Variants in NAV2 observed in about 807,000 individuals in gnomAD.
The protein encoded by NAV2 is helicase, APC down-regulated 1.
Under a neutral mutation model 223.2 loss-of-function variants are expected in NAV2, and 54 were observed. That is an observed-to-expected ratio of 0.24 (90% CI 0.19 to 0.30). The LOEUF (loss-of-function observed/expected upper bound fraction) is 0.30, where lower values mean the gene tolerates loss of function less well. Among genes scored for constraint, NAV2 ranks in the 10% least tolerant of loss-of-function variants. The pLI, the probability that NAV2 is intolerant of heterozygous loss-of-function variation, is 1.00. For missense variants in NAV2, 2,806 were observed against 3,147.5 expected (o/e 0.89, Z 2.60); for synonymous variants, 1,279 against 1,239.3 (o/e 1.03, Z -0.67).
intron 1 of NAV2, among the ~76,000 whole-genome samples, chr11:19,474,729 C>T (rs760993755): frequency 4.6e-5 from 7 of 152,204 alleles, no homozygotes; most frequent in Non-Finnish European, 1.0e-4. Context: ...TTATTGCTCA[C>T]AGGACTAAAA....
chr11:19,901,086 T>A (rs1036638354), intron 6 of NAV2, among the ~76,000 whole-genome samples: 1 of 152,250 alleles, frequency 6.6e-6, no homozygotes, highest in Non-Finnish European at 1.5e-5. Context: ...TCATCATCCC[T>A]TGAGGTAATT....
At chr11:19,350,039 C>A (rs549991056), upstream of NAV2, among the ~76,000 whole-genome samples, 1 of 152,126 alleles carries the variant, frequency 6.6e-6, no homozygotes, top group East Asian at 1.9e-4. Context: ...TTGTGCTTCA[C>A]AGACCATTGC....
chr11:19,572,214 T>TGAC (rs373699341), intron 1 of NAV2, among the ~76,000 whole-genome samples: 7 of 152,240 alleles, frequency 4.6e-5, no homozygotes, highest in African/African-American at 1.7e-4. Context: ...TGAACACTCC[T>TGAC]GACAATATGC....
chr11:19,378,239 C>G (rs1275064884), intron 1 of NAV2, among the ~76,000 whole-genome samples: 1 of 152,212 alleles, frequency 6.6e-6, no homozygotes, highest in African/African-American at 2.4e-5. Context: ...TTGCAATGGA[C>G]TTTCAGGCAA....
At chr11:19,470,125 G>T (rs1472177639) in intron 1 of NAV2, among the ~76,000 whole-genome samples, 1 of 152,212 alleles carries the variant, frequency 6.6e-6, no homozygotes, top group African/African-American at 2.4e-5. Flanking sequence ...GAGCTATGGG[G>T]CTTCAAGGAC....
intron 1 of NAV2, among the ~76,000 whole-genome samples, chr11:19,639,143 G>A (rs1371173604): frequency 6.6e-6 from 1 of 152,172 alleles, no homozygotes; most frequent in Non-Finnish European, 1.5e-5. Context: ...GTTTCTGGAG[G>A]GTTCTCATCA....
exon 1 of NAV2, chr11:19,350,836 C>T: frequency 1.0e-6 from 1 of 1,000,628 alleles, no homozygotes; most frequent in African/African-American, 1.6e-5. Flanking sequence ...TGCTGATTTC[C>T]TTGGCTGGCG....
chr11:19,688,941 A>G (rs1363002814), intron 1 of NAV2, among the ~76,000 whole-genome samples: 1 of 152,220 alleles, frequency 6.6e-6, no homozygotes, highest in African/African-American at 2.4e-5. Flanking sequence ...TCATATGGTC[A>G]TCCTGGCTAT....
chr11:19,966,255 G>C (rs572830028), intron 10 of NAV2, among the ~76,000 whole-genome samples: 30 of 152,300 alleles, frequency 2.0e-4, no homozygotes, highest in Non-Finnish European at 4.0e-4. Flanking sequence ...GTGGTCATCT[G>C]TGGCGAATAC....
At chr11:19,350,381 C>T (rs540628929), upstream of NAV2, among the ~76,000 whole-genome samples, 4 of 152,258 alleles carry the variant, frequency 2.6e-5, no homozygotes, top group South Asian at 4.1e-4. Flanking sequence ...AGGTATGGGT[C>T]TTACACCATG....
At chr11:20,010,256 G>A (rs1416420100) in intron 11 of NAV2, among the ~76,000 whole-genome samples, 1 of 151,736 alleles carries the variant, frequency 6.6e-6, no homozygotes, top group Non-Finnish European at 1.5e-5. Flanking sequence ...TGGCTTCTGT[G>A]ATCTCATAAG....
intron 1 of NAV2, among the ~76,000 whole-genome samples, chr11:19,579,977 T>A (rs1338794361): frequency 6.6e-6 from 1 of 152,246 alleles, no homozygotes; most frequent in Admixed American, 6.5e-5. Flanking sequence ...TTTGAAAATA[T>A]GTGTTTTCCT....
intron 1 of NAV2, among the ~76,000 whole-genome samples, chr11:19,393,805 G>T (rs1301524454): frequency 6.6e-6 from 1 of 150,966 alleles, no homozygotes; most frequent in Non-Finnish European, 1.5e-5. Flanking sequence ...GTAGCAATTT[G>T]CTCGCCTTAA....
chr11:19,641,637 G>T (rs767650067), intron 1 of NAV2, among the ~76,000 whole-genome samples: 1 of 151,656 alleles, frequency 6.6e-6, no homozygotes, highest in South Asian at 2.1e-4. Context: ...AACACAGTGA[G>T]CGCTCACCTT....
intron 5 of NAV2, among the ~76,000 whole-genome samples, chr11:19,881,821 G>A (rs1490316850): frequency 6.6e-6 from 1 of 152,166 alleles, no homozygotes; most frequent in Non-Finnish European, 1.5e-5. Context: ...TTTAGGTTTG[G>A]TTGATAGAAA....
intron 1 of NAV2, among the ~76,000 whole-genome samples, chr11:19,786,396 C>T (rs2057123275): frequency 6.6e-6 from 1 of 152,210 alleles, no homozygotes; most frequent in South Asian, 2.1e-4. Context: ...AACAACACAG[C>T]TCCTGGCATA....
At chr11:19,465,225 G>A (rs2729876) in intron 1 of NAV2, among the ~76,000 whole-genome samples, 90,324 of 151,940 alleles carry the variant, frequency 0.59, 27,950 homozygotes, top group Non-Finnish European at 0.7. Flanking sequence ...TTGTGTCGGC[G>A]TGGATGGGAA....
chr11:20,117,995 T>G (rs1305551400), intron 37 of NAV2, 138 bp from the exon 38 acceptor site: 43 of 921,138 alleles, frequency 4.7e-5, no homozygotes, highest in Non-Finnish European at 6.9e-5. Context: ...TGGCCCAAAG[T>G]CCATGTTCTT....
At position 20,090,934 on chromosome 11, in the gene NAV2, G is replaced by T. The variant is rs759791466; in HGVS notation, c.5568G>T (p.Glu1856Asp). 6.2e-7 allele frequency: 1 copy of T among 1,613,854 alleles called. No individual in the cohort carries two copies. The highest frequency in any genetic ancestry group is 1.3e-5 in the African/African-American group (1 of 74,918). Residue 1856 changes from glutamate to aspartate, a missense_variant, in exon 27 of 38, where the codon GAG becomes GAT. Glu to Asp is a conservative substitution (Grantham distance 45). Coordinates refer to ENST00000349880, the MANE Select transcript of NAV2 (RefSeq NM_145117.5). The stretch of plus-strand genomic sequence containing the variant: ...TCCGAAATGAGTTAAGAGACAAGGA[G>T]ATGAAGCTGACGGATATCCGCTTAG... ...MQLRNELRDK[E>D]MKLTDIRLEA...
Sources: gnomAD v4.1 joint callset for allele counts (sites outside exome capture counted in the v4.1 genomes callset) on GRCh38, gnomAD v4.1.1 for gene constraint, MANE v1.5 for transcripts, NCBI Gene and HGNC (gene_info 2026-07-23, HGNC 2026-07-21) for gene names.